The following RILPL1 variants were observed in gnomAD, a reference collection of about 807,000 sequenced individuals.
RILPL1 encodes the protein Rab interacting lysosomal protein like 1.
RILPL1 carries 33 observed loss-of-function variants against 50.3 expected under a neutral mutation model. That is an observed-to-expected ratio of 0.66 (90% CI 0.50 to 0.88). The LOEUF is 0.88. RILPL1 is among the 40% of genes least tolerant of loss of function. The probability of loss-of-function intolerance (pLI) is 0.00; values close to 1 mark genes in which losing one functional copy is unlikely to be tolerated. For missense variants in RILPL1, 418 were observed against 542.5 expected (o/e 0.77, Z 2.28); for synonymous variants, 205 against 228.6 (o/e 0.90, Z 0.93).
intron 2 of RILPL1, among the ~76,000 whole-genome samples, chr12:123,517,629 C>A (rs1488522997): frequency 6.6e-6 from 1 of 151,882 alleles, no homozygotes; most frequent in Non-Finnish European, 1.5e-5. Flanking sequence ...GCCATGTTGC[C>A]CAGGCTGGTC....
chr12:123,531,348 G>A (rs1467328747), intron 1 of RILPL1, among the ~76,000 whole-genome samples: 1 of 152,124 alleles, frequency 6.6e-6, no homozygotes, highest in Admixed American at 6.6e-5. Context: ...GGTGGCCTCC[G>A]ATGGCTTCCA....
chr12:123,478,859 C>A lies in RILPL1; in HGVS notation c.1067+5321G>T, dbSNP rs117858037. Among the ~76,000 whole-genome samples the A allele has an allele frequency of 5.5e-4, 84 of 152,310 alleles. No individual in the cohort carries two copies. In the East Asian group the frequency reaches 0.013, roughly 24 times the overall value. On this transcript the variant is annotated intron_variant, in intron 6 of 6. Transcript: ENST00000376874. ...ACTGGTGCCTGGTGTTCACTGGGGA[C>A]GAGGCTGAAGTCACTCCAGCACTCC...
chr12:123,517,141 CGGA>C (rs766287026), intron 2 of RILPL1, among the ~76,000 whole-genome samples: 27 of 144,122 alleles, frequency 1.9e-4, no homozygotes, highest in Non-Finnish European at 3.4e-4. Flanking sequence ...CACACAGACA[CGGA>C]GGAGAACGTT....
At chr12:123,520,903 T>C (rs543473226) in intron 2 of RILPL1, among the ~76,000 whole-genome samples, 4 of 152,134 alleles carry the variant, frequency 2.6e-5, no homozygotes, top group Non-Finnish European at 5.9e-5. Flanking sequence ...GTGATTTCAG[T>C]CTCCCCACCA....
chr12:123,477,602 G>A (rs1381531097), intron 6 of RILPL1, among the ~76,000 whole-genome samples: 5 of 152,236 alleles, frequency 3.3e-5, no homozygotes, highest in Non-Finnish European at 7.4e-5. Context: ...GCCTCCCAAA[G>A]TGCTGGAGTG....
chr12:123,505,312 G>A (rs1039411199), intron 2 of RILPL1, among the ~76,000 whole-genome samples: 1 of 152,074 alleles, frequency 6.6e-6, no homozygotes, highest in African/African-American at 2.4e-5. Flanking sequence ...GATTACAGGC[G>A]TGAGCCACTG....
At position 123,485,449 on chromosome 12, in the gene RILPL1, T is replaced by G. The variant is rs779050938; in HGVS notation, c.974+184A>C. ...AAGGTGTGAGCTCTGGTGCCCGGCC[T>G]GGGCCCAAGAGTTTCAGAAAGGGGT... On this transcript the variant is annotated intron_variant, in intron 5 of 6. Transcript: ENST00000376874. The surrounding 1 kb of genome is among the most constrained non-coding windows in gnomAD (Gnocchi z 4.0). Among the ~76,000 whole-genome samples the G allele has an allele frequency of 8.5e-5, 13 of 152,200 alleles. No individual in the cohort carries two copies. The highest frequency in any genetic ancestry group is 1.9e-4 in the Non-Finnish European group (13 of 68,030).
chr12:123,512,578 G>GGTTT (rs1884401821), intron 2 of RILPL1, among the ~76,000 whole-genome samples: 1 of 133,040 alleles, frequency 7.5e-6, no homozygotes. Context: ...ATGTGTGTGA[G>GGTTT]GTCTGTGTGT....
chr12:123,518,822 G>A (rs1884855816), intron 2 of RILPL1, among the ~76,000 whole-genome samples: 1 of 151,964 alleles, frequency 6.6e-6, no homozygotes, highest in East Asian at 1.9e-4. Context: ...ACTTTGGGAG[G>A]CCGAGGCAGG....
rs561291091 is a variant in RILPL1 at position 123,524,509 on chromosome 12, C to T, written c.310-864G>A. Among the ~76,000 whole-genome samples, 33 of 152,162 alleles carry T rather than the reference C, an allele frequency of 2.2e-4. No individual in the cohort carries two copies. In the South Asian group the frequency reaches 6.2e-3, roughly 29 times the overall value. On this transcript the variant is annotated intron_variant, in intron 1 of 6. Transcript: ENST00000376874. ...GTGAATGTTCCTCGCAGCATTATTC[C>T]CAGTACCCAAAAGGAGCCAAGTGTC...
In RILPL1 at chr12:123,532,710, G is replaced by T. The variant is rs1010180733; in HGVS notation, c.309+464C>A. ...CCTTTGCTCTGGGGAGACTGGGGGG[G>T]GGGGGGATGAAGAAAGGGTCCTGGG... On this transcript the variant is annotated intron_variant, in intron 1 of 6. Transcript: ENST00000376874. 1.5e-5 allele frequency among the ~76,000 whole-genome samples: 2 copies of T among 135,876 alleles called. 1 individual carries two copies. Among genetic ancestry groups the T allele is most frequent in the Admixed American group, 1.5e-4 (2 of 13,480 alleles). The allele number at this position is 135,876 out of a possible 152,430, so 89.1% of individuals were successfully genotyped here.
At chr12:123,488,130 C>T (rs1882459384) in intron 4 of RILPL1, among the ~76,000 whole-genome samples, 1 of 152,010 alleles carries the variant, frequency 6.6e-6, no homozygotes, top group Non-Finnish European at 1.5e-5. Context: ...AACAGACGTC[C>T]TTCCCAACCT....
intron 5 of RILPL1, chr12:123,484,759 T>C (rs1882219980): frequency 4.5e-6 from 1 of 220,564 alleles, no homozygotes; most frequent in African/African-American, 2.3e-5. Flanking sequence ...TGGGCTGAAA[T>C]GATCCTCCTG....
At chr12:123,507,441 T>C (rs1217882904) in intron 2 of RILPL1, among the ~76,000 whole-genome samples, 1 of 152,004 alleles carries the variant, frequency 6.6e-6, no homozygotes, top group Admixed American at 6.6e-5. Flanking sequence ...GGCACACACC[T>C]GTAGTCCCAG....
chr12:123,517,406 A>G (rs1225397407), intron 2 of RILPL1, among the ~76,000 whole-genome samples: 6 of 149,932 alleles, frequency 4.0e-5, no homozygotes. Flanking sequence ...GAGAGGGCAC[A>G]GCAATTTTGT....
At chr12:123,488,444 CAAA>C (rs542226782) in intron 4 of RILPL1, among the ~76,000 whole-genome samples, 6 of 76,968 alleles carry the variant, frequency 7.8e-5, no homozygotes, top group Admixed American at 1.5e-4. Flanking sequence ...GACCCTGTCT[CAAA>C]AAAAAAAAAA....
intron 1 of RILPL1, among the ~76,000 whole-genome samples, chr12:123,528,358 CAAAAAA>C (rs35456386): frequency 7.7e-6 from 1 of 130,332 alleles, no homozygotes; most frequent in East Asian, 2.2e-4. Context: ...GATGCTGTCT[CAAAAAA>C]AAAAAAAAGA....
intron 1 of RILPL1, among the ~76,000 whole-genome samples, chr12:123,523,932 A>G (rs1433466559): frequency 6.6e-6 from 1 of 152,238 alleles, no homozygotes; most frequent in East Asian, 1.9e-4. Flanking sequence ...AGCTCTCTTC[A>G]GAGTAGACAG....
In RILPL1 at chr12:123,498,776, A is replaced by AG; in HGVS notation, c.580-12dup. The AG allele has an allele frequency of 6.2e-7, 1 of 1,610,644 alleles. No homozygotes were observed. Among genetic ancestry groups the AG allele is most frequent in the Non-Finnish European group, 8.5e-7 (1 of 1,179,662 alleles). ...CTGCTGCTGCTGTAACTGTAGAAAAAGGGAGACCATTGTGCGGGGCTGCCA... is the reference window on the plus strand; with the variant it reads ...CTGCTGCTGCTGTAACTGTAGAAAAAGGGGAGACCATTGTGCGGGGCTGCCA... On this transcript the variant is annotated splice_polypyrimidine_tract_variant and intron_variant, in intron 3 of 6. Transcript: ENST00000376874. This position sits in a 1 kb window ranked among gnomAD's most constrained non-coding sequence, Gnocchi z 4.3.
Sources: gnomAD v4.1 joint callset for allele counts (sites outside exome capture counted in the v4.1 genomes callset) on GRCh38, gnomAD v4.1.1 for gene constraint, Gnocchi (gnomAD v3.1) non-coding constraint, MANE v1.5 for transcripts, NCBI Gene and HGNC (gene_info 2026-07-23, HGNC 2026-07-21) for gene names.